IRAK1BP1: variants seen among roughly 807,000 people sequenced by gnomAD.
IRAK1BP1 encodes the protein interleukin 1 receptor associated kinase 1 binding protein 1.
Under a neutral mutation model 28.0 loss-of-function variants are expected in IRAK1BP1, and 24 were observed. That is an observed-to-expected ratio of 0.86 (90% confidence interval 0.62 to 1.20). The LOEUF is 1.20. IRAK1BP1 is among the 50% of genes most tolerant of loss of function. The probability of loss-of-function intolerance (pLI) is 0.00; values close to 1 mark genes in which losing one functional copy is unlikely to be tolerated. For missense variants in IRAK1BP1, 336 were observed against 316.7 expected, an observed-to-expected ratio of 1.06 and a Z score of -0.46; for synonymous variants, 131 against 116.3, an observed-to-expected ratio of 1.13 and a Z score of -0.81.
intron 4 of IRAK1BP1, among the ~76,000 whole-genome samples, chr6:78,921,814 G>C (rs991843495): frequency 3.9e-5 from 6 of 152,248 alleles, no homozygotes; most frequent in South Asian, 2.1e-4. Context: ...AGGAAAACAG[G>C]GTCTGGAGTG....
the IRAK1BP1 span, among the ~76,000 whole-genome samples, chr6:78,973,283 C>A: frequency 6.6e-6 from 1 of 151,320 alleles, no homozygotes; most frequent in Non-Finnish European, 1.5e-5. Context: ...AAGTAAGCTT[C>A]ATAAGTGAAG....
At chr6:78,937,002 C>A (rs1052510866) in intron 4 of IRAK1BP1, 1 of 151,720 alleles carries the variant, frequency 6.6e-6, no homozygotes, top group Non-Finnish European at 1.5e-5. Context: ...ACTGCTCAAT[C>A]TGTTATGTTA....
rs183591430 is a variant in IRAK1BP1, at chr6:78,884,302, A to C, written c.316-1076A>C. 3.0e-3 allele frequency among the ~76,000 whole-genome samples: 450 copies of C among 152,270 alleles called. 1 individual carries two copies. The highest frequency in any genetic ancestry group is 6.6e-3 in the Admixed American group (101 of 15,288). On this transcript the variant is annotated intron_variant, in intron 1 of 3. Coordinates refer to ENST00000369940, the MANE Select transcript of IRAK1BP1 (RefSeq NM_001010844.4). The stretch of plus-strand genomic sequence containing the variant: ...CATAATTAAATTACTTGGCATAATC[A>C]TATATTGATTTAACATATATTTTGA...
chr6:78,938,185 G>A (rs1417598885), intron 4 of IRAK1BP1: 1 of 151,614 alleles, frequency 6.6e-6, no homozygotes, highest in African/African-American at 2.4e-5. Context: ...ACATGTTTAA[G>A]TGTTTCGGTT....
chr6:78,906,385 G>A (rs145267301), downstream of IRAK1BP1, among the ~76,000 whole-genome samples: 163 of 152,112 alleles, frequency 1.1e-3, 1 homozygote, highest in South Asian at 8.1e-3. Context: ...ATATTTTTCC[G>A]AAATTACACG....
chr6:78,948,550 G>C (rs1364747985), downstream of IRAK1BP1, among the ~76,000 whole-genome samples: 1 of 152,062 alleles, frequency 6.6e-6, no homozygotes, highest in East Asian at 1.9e-4. Context: ...TTAGAGTGCA[G>C]TTGGTGCCAT....
intron 2 of IRAK1BP1, among the ~76,000 whole-genome samples, chr6:78,888,358 A>G (rs968837350): frequency 6.6e-6 from 1 of 152,194 alleles, no homozygotes; most frequent in Admixed American, 6.5e-5. Context: ...TATCATACAC[A>G]TACACAAAGG....
intron 4 of IRAK1BP1, among the ~76,000 whole-genome samples, chr6:78,928,757 G>A (rs984542465): frequency 4.0e-5 from 6 of 151,830 alleles, no homozygotes; most frequent in Admixed American, 6.6e-5. Context: ...ATGCTTTTTC[G>A]GCATCAATTG....
chr6:78,876,275 A>G lies in IRAK1BP1; in HGVS notation c.315+8384A>G, dbSNP rs941069674. ...CCTTGCTTCCCCTTTGCCTTCTGCC[A>G]TGGTTGTAAGTTTCCTGAGGCCTCC... On this transcript the variant is annotated intron_variant, in intron 1 of 3. Coordinates refer to ENST00000369940, the MANE Select transcript of IRAK1BP1 (RefSeq NM_001010844.4). Among the ~76,000 whole-genome samples the G allele has an allele frequency of 3.3e-5, 5 of 152,060 alleles. No individual in the cohort carries two copies. The South Asian group carries it at 6.2e-4, about 19-fold the overall frequency.
the IRAK1BP1 span, chr6:78,957,663 TG>T: frequency 6.6e-6 from 1 of 150,996 alleles, no homozygotes; most frequent in Non-Finnish European, 1.5e-5. Context: ...GCTTTTAAAA[TG>T]CTGTTACTAC....
At chr6:78,946,719 A>G, downstream of IRAK1BP1, 1 of 1,562,662 alleles carries the variant, frequency 6.4e-7, no homozygotes, top group Non-Finnish European at 8.6e-7. Flanking sequence ...ACCTTGATGC[A>G]GCACTACTGG....
chr6:78,891,369 G>A lies in IRAK1BP1; in HGVS notation c.381+5926G>A, dbSNP rs574302639. Among the ~76,000 whole-genome samples the A allele has an allele frequency of 2.6e-5, 4 of 152,264 alleles. No individual in the cohort carries two copies. The East Asian group carries it at 5.8e-4, about 22-fold the overall frequency. ...GGTGAATGAATGGATGTGGGAAGGA[G>A]GGTTGGATTAAAATCCTAGCTTTGT... is the stretch of plus-strand genomic sequence containing the variant. On this transcript the variant is annotated intron_variant, in intron 2 of 3. Transcript: ENST00000369940.
At chr6:78,874,016 A>G (rs1488771848) in intron 1 of IRAK1BP1, among the ~76,000 whole-genome samples, 1 of 152,184 alleles carries the variant, frequency 6.6e-6, no homozygotes, top group East Asian at 1.9e-4. Flanking sequence ...AAGGCTCTGC[A>G]TACTTTGATG....
the IRAK1BP1 span, chr6:78,966,123 C>A: frequency 2.0e-6 from 2 of 989,186 alleles, no homozygotes; most frequent in Non-Finnish European, 3.3e-6. Flanking sequence ...TTTTTCCTAA[C>A]GTTAACCTTT....
intron 1 of IRAK1BP1, among the ~76,000 whole-genome samples, chr6:78,879,600 T>C (rs1771147420): frequency 6.6e-6 from 1 of 152,226 alleles, no homozygotes; most frequent in South Asian, 2.1e-4. Flanking sequence ...GTAGCATCTG[T>C]TGCCTGTTAC....
At chr6:78,954,297 G>A in the IRAK1BP1 span, among the ~76,000 whole-genome samples, 9 of 151,498 alleles carry the variant, frequency 5.9e-5, no homozygotes, top group Non-Finnish European at 1.2e-4. Flanking sequence ...AAGTAGAGAC[G>A]GGATTTCACC....
downstream of IRAK1BP1, among the ~76,000 whole-genome samples, chr6:78,903,894 C>T (rs147650626): frequency 5.6e-3 from 851 of 152,206 alleles, 6 homozygotes; most frequent in African/African-American, 0.02. Flanking sequence ...ATCAGTTTTA[C>T]GCTGGTCACA....
intron 4 of IRAK1BP1, among the ~76,000 whole-genome samples, chr6:78,915,677 A>C (rs1168833120): frequency 1.3e-5 from 2 of 152,208 alleles, no homozygotes. Context: ...AGGACACTTC[A>C]TTCAACCTTA....
At position 78,867,733 on chromosome 6, in the gene IRAK1BP1, G is replaced by C. The variant is rs1770629528; in HGVS notation, c.157G>C (p.Val53Leu). The change falls in exon 1 of 4, where the codon GTG becomes CTG. Residue 53 changes from valine (V) to leucine (L), a missense_variant. Physicochemically the swap from Val to Leu is conservative, Grantham distance 32. Coordinates refer to ENST00000369940, the MANE Select transcript of IRAK1BP1 (RefSeq NM_001010844.4). ...STQAQTATRE[V>L]QVSGTSEVSA... ...ACAAGCCCAAACTGCTACCCGCGAG[G>C]TGCAAGTAAGCGGCACCTCAGAAGT... 4 of 1,614,118 alleles carry C rather than the reference G, an allele frequency of 2.5e-6. No individual in the cohort carries two copies. The highest frequency in any genetic ancestry group is 3.4e-6 in the Non-Finnish European group (4 of 1,180,054).
Sources: gnomAD v4.1 joint callset for allele counts (sites outside exome capture counted in the v4.1 genomes callset) on GRCh38, gnomAD v4.1.1 for gene constraint, MANE v1.5 for transcripts, NCBI Gene and HGNC (gene_info 2026-07-23, HGNC 2026-07-21) for gene names.